Variants in TGFA observed in about 807,000 individuals in gnomAD.
The protein encoded by TGFA is protransforming growth factor alpha.
TGFA carries 12 observed loss-of-function variants against 21.7 expected under a neutral mutation model. The observed-to-expected ratio is 0.55, with a 90% CI of 0.35 to 0.90. TGFA has a LOEUF of 0.90. Ranked by LOEUF, TGFA falls within the 40% of genes least tolerant of loss-of-function variation. The pLI, the probability that TGFA is intolerant of heterozygous loss-of-function variation, is 0.01. For synonymous variants in TGFA, 79 were observed against 88.1 expected (o/e 0.90, Z 0.58); for missense variants, 178 against 210.8 (o/e 0.84, Z 0.96).
chr2:70,499,223 T>C (rs1332194153), intron 2 of TGFA, among the ~76,000 whole-genome samples: 1 of 152,238 alleles, frequency 6.6e-6, no homozygotes. Flanking sequence ...TCTAGGTATA[T>C]AGAGGCCTTC....
intron 1 of TGFA, among the ~76,000 whole-genome samples, chr2:70,529,160 C>T (rs1342238169): frequency 5.3e-5 from 8 of 152,130 alleles, no homozygotes; most frequent in Admixed American, 2.0e-4. Context: ...TTTGGTTCAC[C>T]GTATTCTCAT....
At chr2:70,541,559 T>A (rs1288639758) in intron 1 of TGFA, among the ~76,000 whole-genome samples, 1 of 152,178 alleles carries the variant, frequency 6.6e-6, no homozygotes, top group Non-Finnish European at 1.5e-5. Context: ...AGGATTGAAC[T>A]GAGGCTGGTG....
At chr2:70,463,130 C>G (rs1474699053) in intron 3 of TGFA, among the ~76,000 whole-genome samples, 1 of 152,092 alleles carries the variant, frequency 6.6e-6, no homozygotes, top group African/African-American at 2.4e-5. Context: ...AGCTCTGGGA[C>G]TCTGGGCAAG....
chr2:70,521,007 C>T (rs928730142), intron 1 of TGFA, among the ~76,000 whole-genome samples: 3 of 152,108 alleles, frequency 2.0e-5, no homozygotes, highest in African/African-American at 7.2e-5. Flanking sequence ...CATCCCCCTG[C>T]ATCCCTGCTG....
At chr2:70,467,042 G>C (rs1231887716) in intron 2 of TGFA, among the ~76,000 whole-genome samples, 1 of 151,904 alleles carries the variant, frequency 6.6e-6, no homozygotes, top group African/African-American at 2.4e-5. Context: ...TACCCTTTTG[G>C]GGGAGGGTGT....
At position 70,516,803 on chromosome 2, in the gene TGFA, G is replaced by C. The variant is rs10190047; in HGVS notation, c.41-1891C>G. Among the ~76,000 whole-genome samples the C allele has an allele frequency of 8.6e-3, 1,312 of 152,300 alleles. 13 individuals are homozygous for C. Among genetic ancestry groups the C allele is most frequent in the African/African-American group, 0.03 (1,236 of 41,542 alleles). ...TAAAGTCAGCCAGTGACTCATAATA[G>C]TGTTCAAGGATGACACCGGGGATGC... On this transcript the variant is annotated intron_variant, in intron 1 of 5. Transcript: ENST00000295400.
At chr2:70,453,125 T>G in intron 5 of TGFA, 93 bp downstream of exon 5, 1 of 1,140,550 alleles carries the variant, frequency 8.8e-7, no homozygotes, top group Non-Finnish European at 1.3e-6. Flanking sequence ...CCTCTCTTCC[T>G]GCTTCATACT....
rs1673593025 is a variant in TGFA at position 70,553,795 on chromosome 2, C to G, written c.-28G>C. Reference sequence around the variant, plus strand: ...TACGGGCGGGCGGGCAGCAGGCTCTCCAGCCTCCTGCCCTACCTGCGGTGC... The same window carrying G: ...TACGGGCGGGCGGGCAGCAGGCTCTGCAGCCTCCTGCCCTACCTGCGGTGC... On this transcript the variant is annotated 5_prime_UTR_variant, in exon 1 of 6. Transcript: ENST00000295400. 1 of 1,265,898 alleles carries G rather than the reference C, an allele frequency of 7.9e-7. No homozygotes were observed. The highest frequency in any genetic ancestry group is 1.0e-6 in the Non-Finnish European group (1 of 998,512). The allele number at this position is 1,265,898 out of a possible 1,614,324, so 78.4% of individuals were successfully genotyped here.
At chr2:70,461,411 G>T (rs1363158250) in intron 3 of TGFA, among the ~76,000 whole-genome samples, 1 of 152,234 alleles carries the variant, frequency 6.6e-6, no homozygotes, top group East Asian at 1.9e-4. Context: ...CAGGCAGCCA[G>T]TTATGAACTG....
In TGFA at chr2:70,546,441, G is replaced by A. The variant is rs1673306185; in HGVS notation, c.40+7287C>T. On this transcript the variant is annotated intron_variant, in intron 1 of 5. Transcript: ENST00000295400. ...TAGTAAGAATGGTGCCCAATAGACA[G>A]TTTTTCAACACTTGCTCCCTCTCTC... Among the ~76,000 whole-genome samples, 2 of 152,120 alleles carry A rather than the reference G, an allele frequency of 1.3e-5. 1 individual carries two copies. The highest frequency in any genetic ancestry group is 4.2e-4 in the South Asian group (2 of 4,814).
chr2:70,459,875 C>A (rs1174566200), intron 3 of TGFA, among the ~76,000 whole-genome samples: 1 of 152,174 alleles, frequency 6.6e-6, no homozygotes, highest in South Asian at 2.1e-4. Flanking sequence ...TGCTTCTGAG[C>A]GAACACTTCC....
intron 2 of TGFA, among the ~76,000 whole-genome samples, chr2:70,476,627 G>A (rs139280300): frequency 1.2e-3 from 178 of 152,284 alleles, no homozygotes; most frequent in African/African-American, 4.0e-3. Flanking sequence ...GCACATATAA[G>A]CGCTATTGGG....
chr2:70,458,640 C>G (rs782680574), intron 3 of TGFA, among the ~76,000 whole-genome samples: 60 of 152,194 alleles, frequency 3.9e-4, no homozygotes, highest in Non-Finnish European at 7.8e-4. Context: ...GAATATCATT[C>G]CTCACTCTCC....
intron 2 of TGFA, among the ~76,000 whole-genome samples, chr2:70,496,252 A>G (rs1245051016): frequency 6.6e-6 from 1 of 152,198 alleles, no homozygotes; most frequent in Non-Finnish European, 1.5e-5. Flanking sequence ...TTTAAGACAC[A>G]TATTGCTTCT....
At chr2:70,523,241 G>A (rs1027854663) in intron 1 of TGFA, among the ~76,000 whole-genome samples, 1 of 152,120 alleles carries the variant, frequency 6.6e-6, no homozygotes, top group Non-Finnish European at 1.5e-5. Context: ...AGAACACAAA[G>A]ACTTCCATCC....
At chr2:70,543,286 G>A (rs1183551524) in intron 1 of TGFA, among the ~76,000 whole-genome samples, 3 of 151,972 alleles carry the variant, frequency 2.0e-5, no homozygotes, top group Non-Finnish European at 4.4e-5. Context: ...CCAGCACTTT[G>A]GGAGGCTGAG....
intron 5 of TGFA, chr2:70,451,782 G>C (rs1553489647): frequency 2.9e-6 from 2 of 701,034 alleles, no homozygotes; most frequent in Non-Finnish European, 5.2e-6. Context: ...TGTTGAGAGG[G>C]GGCTTTAGAG....
At position 70,448,395 on chromosome 2, in the gene TGFA, T is replaced by C. The variant is rs1191412870; in HGVS notation, c.*2464A>G. ...GCGATGCTCCCCACTGCCAGGTGTG[T>C]GGCAGCTTACCAGGTCAGGATGTTA... is the stretch of plus-strand genomic sequence containing the variant. On this transcript the variant is annotated 3_prime_UTR_variant, in exon 6 of 6. Transcript: ENST00000295400. 6.6e-6 allele frequency: 1 copy of C among 152,172 alleles called. No individual in the cohort carries two copies. Among genetic ancestry groups the C allele is most frequent in the African/African-American group, 2.4e-5 (1 of 41,430 alleles). The allele number at this position is 152,172 out of a possible 1,614,324, so 9.4% of individuals were successfully genotyped here. A position where few individuals can be genotyped will look rare whatever the true frequency, so the allele number is the denominator to read the frequency against.
intron 2 of TGFA, among the ~76,000 whole-genome samples, chr2:70,477,091 T>A (rs2103740695): frequency 6.6e-6 from 1 of 152,342 alleles, no homozygotes; most frequent in South Asian, 2.1e-4. Flanking sequence ...AGTTAAAGCT[T>A]AACCAATTTT....
Sources: allele counts gnomAD v4.1 joint callset (sites outside exome capture counted in the v4.1 genomes callset), GRCh38; gene constraint gnomAD v4.1.1; transcripts MANE v1.5; gene names NCBI Gene and HGNC (gene_info 2026-07-23, HGNC 2026-07-21).